Variants in AMPH observed in about 807,000 individuals in gnomAD.
The protein encoded by AMPH is amphiphysin (Stiff-Mann syndrome with breast cancer 128kD autoantigen).
Under a neutral mutation model 99.1 loss-of-function variants are expected in AMPH, and 49 were observed. The observed-to-expected ratio is 0.49, with a 90% confidence interval of 0.39 to 0.63. The LOEUF is 0.63. Ranked by LOEUF, AMPH falls within the 20% of genes least tolerant of loss-of-function variation. The pLI is 0.00. For missense variants in AMPH, 759 were observed against 863.4 expected, an observed-to-expected ratio of 0.88 and a Z score of 1.52; for synonymous variants, 314 against 317.3, an observed-to-expected ratio of 0.99 and a Z score of 0.11.
At chr7:38,440,957 C>CA (rs1244403485) in intron 11 of AMPH, among the ~76,000 whole-genome samples, 1 of 151,750 alleles carries the variant, frequency 6.6e-6, no homozygotes, top group African/African-American at 2.4e-5. Context: ...CTAAATCATG[C>CA]AATTAAAAGG....
At chr7:38,390,313 C>T (rs532647019) in intron 19 of AMPH, among the ~76,000 whole-genome samples, 1 of 152,282 alleles carries the variant, frequency 6.6e-6, no homozygotes, top group South Asian at 2.1e-4. Context: ...GTAATTACTA[C>T]TAAATAAAAC....
At chr7:38,398,195 A>AAAAC (rs56703908) in intron 17 of AMPH, among the ~76,000 whole-genome samples, 1 of 132,688 alleles carries the variant, frequency 7.5e-6, no homozygotes, top group African/African-American at 2.6e-5. Context: ...AAAAAAAAAA[A>AAAAC]CAAAAAAAAA....
At chr7:38,476,474 T>C (rs17171381) in intron 6 of AMPH, among the ~76,000 whole-genome samples, 7,519 of 152,208 alleles carry the variant, frequency 0.049, 422 homozygotes, top group East Asian at 0.29. Context: ...ATTTGTTTTA[T>C]GCAAATCCAC....
intron 1 of AMPH, among the ~76,000 whole-genome samples, chr7:38,537,025 C>A (rs946128213): frequency 6.6e-6 from 1 of 152,018 alleles, no homozygotes; most frequent in African/African-American, 2.4e-5. Context: ...ACAGTTTTCT[C>A]AATGGTTAAA....
chr7:38,556,134 AT>A (rs1791353561), intron 1 of AMPH, among the ~76,000 whole-genome samples: 1 of 152,160 alleles, frequency 6.6e-6, no homozygotes, highest in South Asian at 2.1e-4. Context: ...AATATTAAAA[AT>A]AAAAATCAAA....
chr7:38,579,543 G>T (rs544547108), intron 1 of AMPH, among the ~76,000 whole-genome samples: 1 of 152,232 alleles, frequency 6.6e-6, no homozygotes, highest in Non-Finnish European at 1.5e-5. Flanking sequence ...ACAATTGTTA[G>T]TGTATATTAT....
At chr7:38,544,939 G>C (rs1472164694) in intron 1 of AMPH, among the ~76,000 whole-genome samples, 1 of 152,126 alleles carries the variant, frequency 6.6e-6, no homozygotes. Flanking sequence ...TACGTGTTTG[G>C]CCAAGCTCAC....
intron 17 of AMPH, among the ~76,000 whole-genome samples, chr7:38,412,981 C>A (rs1288580391): frequency 6.6e-6 from 1 of 152,170 alleles, no homozygotes; most frequent in African/African-American, 2.4e-5. Flanking sequence ...GGACTGGGTC[C>A]ATTGCCATTT....
At chr7:38,471,020 C>T (rs1034992035) in intron 7 of AMPH, among the ~76,000 whole-genome samples, 3 of 152,084 alleles carry the variant, frequency 2.0e-5, no homozygotes, top group Non-Finnish European at 4.4e-5. Context: ...AATATAAGCT[C>T]CAAGCAAACA....
chr7:38,483,710 T>A (rs1363093211), intron 5 of AMPH, among the ~76,000 whole-genome samples: 1 of 152,174 alleles, frequency 6.6e-6, no homozygotes, highest in East Asian at 1.9e-4. Flanking sequence ...AAGAGGTGGC[T>A]GTTTTGTCTA....
chr7:38,463,367 A>T, intron 9 of AMPH: 1 of 583,404 alleles, frequency 1.7e-6, no homozygotes, highest in Non-Finnish European at 3.1e-6. Context: ...CCCACTTTAC[A>T]AGTAGTAAAG....
intron 1 of AMPH, among the ~76,000 whole-genome samples, chr7:38,597,248 A>C (rs993225473): frequency 6.6e-6 from 1 of 152,170 alleles, no homozygotes; most frequent in Non-Finnish European, 1.5e-5. Context: ...CATACAACTC[A>C]TGCAGATTTG....
chr7:38,518,410 C>T (rs1219594830), intron 2 of AMPH, among the ~76,000 whole-genome samples: 1 of 152,148 alleles, frequency 6.6e-6, no homozygotes, highest in Admixed American at 6.5e-5. Context: ...GTGAACTGAG[C>T]CTAGCAAAGT....
At chr7:38,504,783 T>C (rs1789264470) in intron 2 of AMPH, among the ~76,000 whole-genome samples, 1 of 152,220 alleles carries the variant, frequency 6.6e-6, no homozygotes, top group Non-Finnish European at 1.5e-5. Flanking sequence ...ACGTCAGTCT[T>C]GTGGGCTCAG....
In AMPH at chr7:38,569,500, C is replaced by T. The variant is rs1255391097; in HGVS notation, c.70-34489G>A. ...AGAACCACCTGATAGAAGTACTTGC[C>T]GTTAGTGCAAAGCATAGTAGAACCG... is the stretch of plus-strand genomic sequence containing the variant. On this transcript the variant is annotated intron_variant, in intron 1 of 20. Coordinates refer to ENST00000356264, the MANE Select transcript of AMPH (RefSeq NM_001635.4). Among the ~76,000 whole-genome samples, 16 of 151,120 alleles carry T rather than the reference C, an allele frequency of 1.1e-4. No homozygotes were observed. The East Asian group carries it at 2.1e-3, about 20-fold the overall frequency.
intron 1 of AMPH, among the ~76,000 whole-genome samples, chr7:38,591,233 T>C (rs1409338994): frequency 1.3e-5 from 2 of 152,076 alleles, no homozygotes; most frequent in South Asian, 2.1e-4. Context: ...CAAGAGAGAA[T>C]AATTTAAGAA....
intron 1 of AMPH, among the ~76,000 whole-genome samples, chr7:38,590,547 G>A (rs2129057834): frequency 1.3e-5 from 2 of 152,290 alleles, no homozygotes; most frequent in Admixed American, 1.3e-4. Flanking sequence ...TCGAATGCCT[G>A]GGGTTTATAT....
rs904182447 is a variant in AMPH at position 38,441,831 on chromosome 7, A to C, written c.1018-5443T>G. Among the ~76,000 whole-genome samples, 37 of 91,174 alleles carry C rather than the reference A, an allele frequency of 4.1e-4. 2 individuals carry two copies. In the South Asian group the frequency reaches 6.4e-3, roughly 16 times the overall value. The allele number at this position is 91,174 out of a possible 152,430, so 59.8% of individuals were successfully genotyped here. ...ATATCATATATATCATATATCATAT[A>C]TATCATATATCATATATATCATATA... On this transcript the variant is annotated intron_variant, in intron 11 of 20. Transcript: ENST00000356264.
chr7:38,630,588 ATATT>A lies in AMPH; in HGVS notation c.69+691_69+694del, dbSNP rs1025019008. Among the ~76,000 whole-genome samples, 151 of 152,352 alleles carry A rather than the reference ATATT, an allele frequency of 9.9e-4. 1 individual carries two copies. The highest frequency in any genetic ancestry group is 3.5e-3 in the African/African-American group (146 of 41,592). ...AGAAAGGAACTATTAGGTTCAGGTCATATTTATTTTTGACCTTCTAAAGAAGGAC... is the reference window on the plus strand; with the variant it reads ...AGAAAGGAACTATTAGGTTCAGGTCATATTTTTGACCTTCTAAAGAAGGAC... On this transcript the variant is annotated intron_variant, in intron 1 of 20. Transcript: ENST00000356264.
Sources: allele counts gnomAD v4.1 joint callset (sites outside exome capture counted in the v4.1 genomes callset), GRCh38; gene constraint gnomAD v4.1.1; transcripts MANE v1.5; gene names NCBI Gene and HGNC (gene_info 2026-07-23, HGNC 2026-07-21).